SFXN5: variants seen among roughly 807,000 people sequenced by gnomAD.
SFXN5 encodes sideroflexin 5.
In SFXN5, 43 loss-of-function variants were observed where a neutral mutation model predicts 50.2. The observed-to-expected ratio is 0.86, with a 90% CI of 0.67 to 1.11. The LOEUF is 1.11. Ranked by LOEUF, SFXN5 falls within the 50% of genes least tolerant of loss-of-function variation. SFXN5 has a pLI of 0.00. For missense variants in SFXN5, 463 were observed against 454.1 expected (o/e 1.02, Z -0.18); for synonymous variants, 203 against 185.8 (o/e 1.09, Z -0.75).
At chr2:73,016,943 T>C (rs1311763202) in intron 6 of SFXN5, among the ~76,000 whole-genome samples, 3 of 152,196 alleles carry the variant, frequency 2.0e-5, no homozygotes, top group Non-Finnish European at 1.5e-5. Context: ...TAGTATGGGT[T>C]GTTTACCCCC....
intron 13 of SFXN5, among the ~76,000 whole-genome samples, chr2:72,946,557 C>T (rs1671951657): frequency 2.0e-5 from 3 of 152,168 alleles, no homozygotes; most frequent in African/African-American, 7.2e-5. Context: ...CTCAGGTTCA[C>T]AGCCGCCTGC....
At chr2:72,966,899 T>C (rs1450251826) in intron 12 of SFXN5, among the ~76,000 whole-genome samples, 1 of 152,176 alleles carries the variant, frequency 6.6e-6, no homozygotes, top group Non-Finnish European at 1.5e-5. Context: ...CCACCACCCT[T>C]ATAAACACAC....
At chr2:72,964,675 A>G (rs1355911653) in intron 12 of SFXN5, among the ~76,000 whole-genome samples, 2 of 152,232 alleles carry the variant, frequency 1.3e-5, no homozygotes, top group Non-Finnish European at 2.9e-5. Flanking sequence ...ACTGGGTCTT[A>G]TTCATCTTCA....
intron 6 of SFXN5, among the ~76,000 whole-genome samples, chr2:73,003,296 G>A (rs1358929415): frequency 6.6e-6 from 1 of 152,180 alleles, no homozygotes; most frequent in Admixed American, 6.5e-5. Context: ...TGAACACGGT[G>A]TCTTATGGAC....
chr2:73,052,366 G>C (rs1010264752), intron 2 of SFXN5, among the ~76,000 whole-genome samples: 1 of 115,398 alleles, frequency 8.7e-6, no homozygotes, highest in African/African-American at 4.7e-5. Flanking sequence ...ATGCGTGTGT[G>C]TGTGTGTGTG....
rs1673892464 is a variant in SFXN5 at position 73,001,409 on chromosome 2, GTGGACTGACCCTACACGGGGTC to G, written c.411+94_411+115del. ...CTTCTGGGCTAGGGGTGGTGTTGGG[GTGGACTGACCCTACACGGGGTC>G]TGGACGGGGCAGGAGACACCACAGC... On this transcript the variant is annotated intron_variant, in intron 7 of 13. Transcript: ENST00000272433. 3 of 1,061,600 alleles carry G rather than the reference GTGGACTGACCCTACACGGGGTC, an allele frequency of 2.8e-6. No homozygotes were observed. The South Asian group carries it at 4.0e-5, about 14-fold the overall frequency. The allele number at this position is 1,061,600 out of a possible 1,614,324, so 65.8% of individuals were successfully genotyped here. A position where few individuals can be genotyped will look rare whatever the true frequency, so the allele number is the denominator to read the frequency against.
intron 2 of SFXN5, 36 bp from the exon 3 acceptor site, chr2:73,040,967 G>A: frequency 3.1e-6 from 5 of 1,588,672 alleles, no homozygotes; most frequent in Non-Finnish European, 4.3e-6. Context: ...GAGGGGCACA[G>A]ATCCAGGGCT....
chr2:73,058,466 C>T, intron 2 of SFXN5, 62 bp downstream of exon 2: 4 of 1,500,174 alleles, frequency 2.7e-6, no homozygotes, highest in Middle Eastern at 1.7e-4. Context: ...TAATGACCCA[C>T]ATATTCTGAA....
chr2:73,064,051 G>C (rs557080314), intron 1 of SFXN5, among the ~76,000 whole-genome samples: 7 of 152,222 alleles, frequency 4.6e-5, no homozygotes, highest in African/African-American at 1.7e-4. Flanking sequence ...CTAATTCTCA[G>C]CAGGAGCCAG....
At chr2:73,054,758 A>G (rs1673263108) in intron 2 of SFXN5, among the ~76,000 whole-genome samples, 1 of 152,208 alleles carries the variant, frequency 6.6e-6, no homozygotes, top group African/African-American at 2.4e-5. Flanking sequence ...AATAGGTGGC[A>G]TTTATGTTGG....
chr2:72,976,406 G>A (rs978822244), intron 10 of SFXN5, among the ~76,000 whole-genome samples: 21 of 151,914 alleles, frequency 1.4e-4, no homozygotes, highest in African/African-American at 4.6e-4. Context: ...ACAACATGTC[G>A]GCTTCCTAAA....
chr2:73,044,785 A>G (rs1680105621), intron 2 of SFXN5, among the ~76,000 whole-genome samples: 1 of 152,214 alleles, frequency 6.6e-6, no homozygotes, highest in Non-Finnish European at 1.5e-5. Flanking sequence ...TCACCATGAG[A>G]GTCCCTCCAT....
chr2:73,000,688 G>A (rs1266642651), intron 7 of SFXN5, among the ~76,000 whole-genome samples: 1 of 152,186 alleles, frequency 6.6e-6, no homozygotes, highest in Non-Finnish European at 1.5e-5. Flanking sequence ...TGGAAGCCCT[G>A]CCTCTCGGGA....
chr2:73,056,825 T>G (rs1390017931), intron 2 of SFXN5, among the ~76,000 whole-genome samples: 1 of 152,194 alleles, frequency 6.6e-6, no homozygotes, highest in Non-Finnish European at 1.5e-5. Context: ...CATACACTGC[T>G]GATGGAAATG....
rs199609733 is a variant in SFXN5 at position 73,047,319 on chromosome 2, G to GTATA, written c.172-6392_172-6389dup. 1.2e-3 allele frequency among the ~76,000 whole-genome samples: 121 copies of GTATA among 99,090 alleles called. 2 individuals carry two copies. The highest frequency in any genetic ancestry group is 1.9e-3 in the Non-Finnish European group (93 of 48,752). 65.0% of individuals were successfully genotyped at this position (99,090 alleles called of 152,430 possible). On this transcript the variant is annotated intron_variant, in intron 2 of 13. Coordinates refer to ENST00000272433, the MANE Select transcript of SFXN5 (RefSeq NM_144579.3). ...ATATAAAATATATATGTGTGTGTAT[G>GTATA]TATATATATGTGTATATATATGTAC...
intron 2 of SFXN5, among the ~76,000 whole-genome samples, chr2:73,041,993 G>A (rs1679707259): frequency 1.3e-5 from 2 of 152,170 alleles, no homozygotes; most frequent in South Asian, 4.1e-4. Flanking sequence ...GAGCCACGGT[G>A]CCCGGCCAGG....
At chr2:73,041,773 A>T in intron 2 of SFXN5, 1 of 235,536 alleles carries the variant, frequency 4.2e-6, no homozygotes, top group South Asian at 4.4e-5. Context: ...CACGATCTCA[A>T]CACACTGCAG....
At chr2:72,999,466 A>C (rs958290587) in intron 8 of SFXN5, among the ~76,000 whole-genome samples, 2 of 152,032 alleles carry the variant, frequency 1.3e-5, no homozygotes, top group Non-Finnish European at 2.9e-5. Flanking sequence ...TCCCATGTCA[A>C]CAGATGATAG....
At chr2:73,008,982 G>C (rs1384493009) in intron 6 of SFXN5, among the ~76,000 whole-genome samples, 1 of 152,156 alleles carries the variant, frequency 6.6e-6, no homozygotes, top group Non-Finnish European at 1.5e-5. Flanking sequence ...AAACAGCGTA[G>C]GGGTCAAGCT....
Sources: gnomAD v4.1 joint callset for allele counts (sites outside exome capture counted in the v4.1 genomes callset) on GRCh38, gnomAD v4.1.1 for gene constraint, MANE v1.5 for transcripts, NCBI Gene and HGNC (gene_info 2026-07-23, HGNC 2026-07-21) for gene names.